The following CADM2 variants were observed in gnomAD, a reference collection of about 807,000 sequenced individuals.
The protein encoded by CADM2 is immunoglobulin superfamily member 4D.
A neutral mutation model predicts 49.8 loss-of-function variants in CADM2; 12 were observed. The ratio of observed to expected loss-of-function variants is 0.24; its 90% CI spans 0.15 to 0.39. CADM2 has a LOEUF of 0.39. Among genes scored for constraint, CADM2 ranks in the 10% least tolerant of loss-of-function variants. CADM2 has a pLI of 1.00. For missense variants in CADM2, 378 were observed against 492.3 expected (o/e 0.77, Z 2.20); for synonymous variants, 214 against 175.4 (o/e 1.22, Z -1.74).
chr3:85,533,742 C>A (rs2061369731), intron 1 of CADM2, among the ~76,000 whole-genome samples: 1 of 152,094 alleles, frequency 6.6e-6, no homozygotes, highest in African/African-American at 2.4e-5. Flanking sequence ...CAAGGGCCAG[C>A]TTAGAGACAG....
intron 1 of CADM2, among the ~76,000 whole-genome samples, chr3:85,112,844 A>T (rs901588902): frequency 6.6e-6 from 1 of 151,940 alleles, no homozygotes; most frequent in South Asian, 2.1e-4. Context: ...AAGGAAAAAA[A>T]TCAATGTATG....
intron 1 of CADM2, among the ~76,000 whole-genome samples, chr3:85,148,559 C>T (rs2107641676): frequency 6.6e-6 from 1 of 152,168 alleles, no homozygotes; most frequent in East Asian, 1.9e-4. Flanking sequence ...AGAACTCTCA[C>T]AAAACAACTT....
chr3:85,707,162 T>C (rs1485180821), intron 1 of CADM2, among the ~76,000 whole-genome samples: 1 of 151,966 alleles, frequency 6.6e-6, no homozygotes, highest in East Asian at 1.9e-4. Context: ...TTTATATTAA[T>C]ATTTAATTAT....
chr3:85,467,005 T>A (rs1483257681), intron 1 of CADM2, among the ~76,000 whole-genome samples: 1 of 152,186 alleles, frequency 6.6e-6, no homozygotes, highest in Non-Finnish European at 1.5e-5. Context: ...TTCTGTAAAT[T>A]TTATGTGGAA....
At chr3:85,321,130 T>TTTC (rs2044599185) in intron 1 of CADM2, among the ~76,000 whole-genome samples, 2 of 12,270 alleles carry the variant, frequency 1.6e-4, no homozygotes, top group East Asian at 2.1e-3. Context: ...TTTTTTTTTT[T>TTTC]TTTTTTTTTT....
intron 1 of CADM2, among the ~76,000 whole-genome samples, chr3:85,431,787 G>GA (rs1170007711): frequency 6.6e-5 from 9 of 136,430 alleles, no homozygotes; most frequent in African/African-American, 1.1e-4. Context: ...ATTGAGAGGG[G>GA]AAAAAAAAGA....
chr3:85,949,035 G>A (rs948100187), intron 7 of CADM2, among the ~76,000 whole-genome samples: 1 of 151,416 alleles, frequency 6.6e-6, no homozygotes, highest in African/African-American at 2.4e-5. Flanking sequence ...AATGAAGATA[G>A]TGATGCAACC....
At chr3:85,796,746 G>A (rs1448606) in intron 2 of CADM2, among the ~76,000 whole-genome samples, 8,231 of 151,906 alleles carry the variant, frequency 0.054, 638 homozygotes, top group African/African-American at 0.17. Flanking sequence ...GGGGAACAGC[G>A]CTTATCAAGC....
chr3:85,657,020 C>T (rs1268194482), intron 1 of CADM2, among the ~76,000 whole-genome samples: 1 of 152,170 alleles, frequency 6.6e-6, no homozygotes, highest in Non-Finnish European at 1.5e-5. Flanking sequence ...GTTTATCATG[C>T]AATCCCATTT....
At chr3:85,027,109 C>CTTTTT (rs1160735135) in intron 1 of CADM2, among the ~76,000 whole-genome samples, 1,705 of 55,612 alleles carry the variant, frequency 0.031, 287 homozygotes, top group Admixed American at 0.1. Context: ...TTTCTTTTTC[C>CTTTTT]TTTTTTTTTT....
At chr3:85,917,454 G>A (rs1161175538) in intron 6 of CADM2, among the ~76,000 whole-genome samples, 1 of 152,146 alleles carries the variant, frequency 6.6e-6, no homozygotes, top group Admixed American at 6.6e-5. Context: ...TTTTTGTCAG[G>A]TTTGTCAAAG....
At chr3:85,363,690 C>A (rs901390663) in intron 1 of CADM2, among the ~76,000 whole-genome samples, 1 of 152,202 alleles carries the variant, frequency 6.6e-6, no homozygotes, top group Admixed American at 6.5e-5. Flanking sequence ...TGGCTCACTG[C>A]AAGCTCCGCC....
chr3:85,382,099 G>A (rs532600472), intron 1 of CADM2, among the ~76,000 whole-genome samples: 11 of 151,796 alleles, frequency 7.2e-5, no homozygotes, highest in Non-Finnish European at 1.5e-4. Flanking sequence ...TTGTATAATT[G>A]TACACATCCT....
intron 8 of CADM2, among the ~76,000 whole-genome samples, chr3:86,025,095 G>A (rs1055085064): frequency 6.6e-6 from 1 of 150,972 alleles, no homozygotes; most frequent in East Asian, 2.0e-4. Flanking sequence ...TCTCTCTGTC[G>A]CCCAGGCCAG....
At chr3:85,372,389 A>G (rs75049086) in intron 1 of CADM2, among the ~76,000 whole-genome samples, 1 of 148,510 alleles carries the variant, frequency 6.7e-6, no homozygotes, top group Non-Finnish European at 1.5e-5. Flanking sequence ...GTGTGTATAT[A>G]TAGATATATG....
chr3:85,039,337 G>T (rs1179730987), intron 1 of CADM2, among the ~76,000 whole-genome samples: 1 of 151,142 alleles, frequency 6.6e-6, no homozygotes, highest in South Asian at 2.1e-4. Context: ...TCCAGTCAGA[G>T]AATCTTTTTC....
intron 1 of CADM2, among the ~76,000 whole-genome samples, chr3:85,448,054 G>A (rs146763528): frequency 1.8e-3 from 267 of 152,096 alleles, no homozygotes; most frequent in African/African-American, 5.9e-3. Flanking sequence ...CAAATAGGCC[G>A]GCCGCTGTGG....
At chr3:85,440,648 A>G (rs1186091403) in intron 1 of CADM2, among the ~76,000 whole-genome samples, 1 of 152,058 alleles carries the variant, frequency 6.6e-6, no homozygotes. Flanking sequence ...CTTATGGGGG[A>G]AAAGGAACTA....
chr3:85,979,062 G>C, intron 8 of CADM2: 1 of 1,326,572 alleles, frequency 7.5e-7, no homozygotes, highest in Admixed American at 2.0e-5. Flanking sequence ...GCTTGTTAAA[G>C]TTAAACCTCA....
Sources: gnomAD v4.1 joint callset for allele counts (sites outside exome capture counted in the v4.1 genomes callset) on GRCh38, gnomAD v4.1.1 for gene constraint, MANE v1.5 for transcripts, NCBI Gene and HGNC (gene_info 2026-07-23, HGNC 2026-07-21) for gene names.